Variants in ANKRD55 observed in about 807,000 individuals in gnomAD.
ANKRD55 encodes the protein ankyrin repeat domain-containing protein 55.
A neutral mutation model predicts 60.6 loss-of-function variants in ANKRD55; 41 were observed. The observed-to-expected ratio is 0.68, with a 90% CI of 0.53 to 0.88. The LOEUF is 0.88. Among genes scored for constraint, ANKRD55 ranks in the 40% least tolerant of loss-of-function variants. The probability of loss-of-function intolerance (pLI) is 0.00; values close to 1 mark genes in which losing one functional copy is unlikely to be tolerated. For synonymous variants in ANKRD55, 264 were observed against 290.3 expected (o/e 0.91, Z 0.92); for missense variants, 732 against 767.6 (o/e 0.95, Z 0.55).
At chr5:56,200,760 A>T (rs1359724457) in intron 2 of ANKRD55, among the ~76,000 whole-genome samples, 1 of 152,124 alleles carries the variant, frequency 6.6e-6, no homozygotes, top group Non-Finnish European at 1.5e-5. Flanking sequence ...CACATTGGGT[A>T]TTGCAATTTC....
chr5:56,117,304 A>C (rs997044639), intron 8 of ANKRD55, among the ~76,000 whole-genome samples: 2 of 152,168 alleles, frequency 1.3e-5, no homozygotes, highest in African/African-American at 2.4e-5. Context: ...CATTGAAATG[A>C]CTAATGCCTT....
Position 56,183,682 on chromosome 5 carries a change from T to C in ANKRD55, c.59-48A>G, listed in dbSNP as rs746248535. 3 of 1,601,970 alleles carry C rather than the reference T, an allele frequency of 1.9e-6. No homozygotes were observed. In the South Asian group the frequency reaches 3.4e-5, roughly 18 times the overall value. The stretch of plus-strand genomic sequence containing the variant: ...ATGTTAGTGTGTGGAGCCAGTTCAC[T>C]GAAAGAATAACAATACCCAAGTCGT... On this transcript the variant is annotated intron_variant, in intron 2 of 11. Transcript: ENST00000341048.
intron 10 of ANKRD55, among the ~76,000 whole-genome samples, chr5:56,103,908 C>A (rs1185865029): frequency 6.6e-6 from 1 of 152,168 alleles, no homozygotes; most frequent in East Asian, 1.9e-4. Flanking sequence ...GGTGGATGGT[C>A]TGTGCAGAAG....
intron 2 of ANKRD55, among the ~76,000 whole-genome samples, chr5:56,229,133 G>T (rs1252815586): frequency 4.2e-5 from 6 of 143,610 alleles, no homozygotes; most frequent in Non-Finnish European, 9.0e-5. Flanking sequence ...TCTCAGGTTT[G>T]GGATTCTTTC....
chr5:56,170,632 T>C, intron 5 of ANKRD55, 62 bp downstream of exon 5: 1 of 1,341,618 alleles, frequency 7.5e-7, no homozygotes. Flanking sequence ...ATGGATTAGA[T>C]GACCTTCTCA....
chr5:56,171,915 G>C (rs1157111375), intron 4 of ANKRD55, among the ~76,000 whole-genome samples: 1 of 151,960 alleles, frequency 6.6e-6, no homozygotes, highest in Admixed American at 6.6e-5. Flanking sequence ...TCAGGAGATC[G>C]AGACCATCCT....
chr5:56,174,366 C>T (rs1758690208), intron 4 of ANKRD55, among the ~76,000 whole-genome samples: 1 of 152,166 alleles, frequency 6.6e-6, no homozygotes, highest in Non-Finnish European at 1.5e-5. Context: ...TGGCAGTCAA[C>T]TTTAGAAACC....
chr5:56,140,039 A>C (rs1757716372), intron 7 of ANKRD55, among the ~76,000 whole-genome samples: 1 of 152,162 alleles, frequency 6.6e-6, no homozygotes, highest in African/African-American at 2.4e-5. Context: ...TCCAATCTTT[A>C]CTGCTTTGTT....
chr5:56,170,998 A>C (rs1385342179), intron 4 of ANKRD55, among the ~76,000 whole-genome samples, 195 bp from the exon 5 acceptor site: 1 of 152,154 alleles, frequency 6.6e-6, no homozygotes, highest in Non-Finnish European at 1.5e-5. Context: ...ACAGATTCCC[A>C]GGTTTATGAG....
At chr5:56,185,402 C>T (rs1758946404) in intron 2 of ANKRD55, among the ~76,000 whole-genome samples, 1 of 152,070 alleles carries the variant, frequency 6.6e-6, no homozygotes, top group Non-Finnish European at 1.5e-5. Flanking sequence ...TGTGGTGGCT[C>T]ACGCCTGTAA....
intron 2 of ANKRD55, among the ~76,000 whole-genome samples, chr5:56,231,694 CACAT>C (rs1444345947): frequency 1.2e-4 from 17 of 138,400 alleles, no homozygotes; most frequent in African/African-American, 1.6e-4. Flanking sequence ...CACACACACA[CACAT>C]ACACATACAC....
chr5:56,203,336 A>T (rs1037258774), intron 2 of ANKRD55, among the ~76,000 whole-genome samples: 45 of 152,060 alleles, frequency 3.0e-4, no homozygotes, highest in African/African-American at 9.9e-4. Context: ...TGGTTTTTTT[A>T]AAATTTAATT....
intron 5 of ANKRD55, among the ~76,000 whole-genome samples, chr5:56,166,430 TA>T (rs944098325): frequency 1.3e-5 from 2 of 151,736 alleles, no homozygotes; most frequent in Non-Finnish European, 2.9e-5. Flanking sequence ...GCTACTTTTT[TA>T]AAAAAATCAT....
At position 56,116,747 on chromosome 5, in the gene ANKRD55, G is replaced by A; in HGVS notation, c.833C>T (p.Ala278Val). The part of the protein sequence containing the change: ...PLHWAAAAGK[A>V]ECVQSLLELG... ...CTCCAGCAGTGACTGGACACATTCG[G>A]CCTTCCCTGCAGCTGCAGCCCAGTG... Residue 278 changes from alanine (A) to valine (V), a missense_variant, in exon 9 of 12, where the codon GCC becomes GTC. Physicochemically the swap from Ala to Val is moderately conservative, Grantham distance 64. Around this residue, in one of 3 missense-constraint regions of ANKRD55, gnomAD observed 597 missense variants for 607.5 expected, o/e 0.98. Transcript: ENST00000341048. 6.2e-7 allele frequency: 1 copy of A among 1,613,296 alleles called. No homozygotes were observed. The highest frequency in any genetic ancestry group is 1.1e-5 in the South Asian group (1 of 91,006).
chr5:56,122,826 T>C lies in ANKRD55; in HGVS notation c.797+4096A>G, dbSNP rs1757111921. ...TGTCACCCAGGCTGGAGTGCAGTGG[T>C]ACAATCACAGTTCACTGCAACCTTC... is the stretch of plus-strand genomic sequence containing the variant. On this transcript the variant is annotated intron_variant, in intron 8 of 11. Transcript: ENST00000341048. Among the ~76,000 whole-genome samples the C allele has an allele frequency of 2.7e-5, 4 of 150,768 alleles. No individual in the cohort carries two copies. The South Asian group carries it at 8.6e-4, about 32-fold the overall frequency.
Position 56,198,347 on chromosome 5 carries a change from G to A in ANKRD55, c.59-14713C>T, listed in dbSNP as rs140882960. Among the ~76,000 whole-genome samples, 1,360 of 151,724 alleles carry A rather than the reference G, an allele frequency of 9.0e-3. 19 individuals carry two copies. The highest frequency in any genetic ancestry group is 0.031 in the African/African-American group (1,294 of 41,292). On this transcript the variant is annotated intron_variant, in intron 2 of 11. Coordinates refer to ENST00000341048, the MANE Select transcript of ANKRD55 (RefSeq NM_024669.3). ...GGAGTTTCGCTCTTGTTACCCAGGC[G>A]TGATCTTGGCTCACCGCAACCTCTG...
chr5:56,105,543 A>T (rs1461158032), intron 10 of ANKRD55, among the ~76,000 whole-genome samples: 1 of 152,196 alleles, frequency 6.6e-6, no homozygotes, highest in Non-Finnish European at 1.5e-5. Context: ...CAAAATAATA[A>T]CAAGGGCCAA....
Position 56,220,390 on chromosome 5 carries a change from C to T in ANKRD55, c.58+12466G>A, listed in dbSNP as rs547368671. The stretch of plus-strand genomic sequence containing the variant: ...TAAGAAATGGAGGCCACAGCACACT[C>T]CAGAATGGATTGGTCTGTCACACAC... On this transcript the variant is annotated intron_variant, in intron 2 of 11. Transcript: ENST00000341048. Among the ~76,000 whole-genome samples the T allele has an allele frequency of 3.9e-5, 6 of 151,972 alleles. No individual in the cohort carries two copies. The South Asian group carries it at 1.2e-3, about 32-fold the overall frequency.
At chr5:56,135,294 G>GTTCGTT (rs1757546768) in intron 7 of ANKRD55, among the ~76,000 whole-genome samples, 3 of 84,386 alleles carry the variant, frequency 3.6e-5, no homozygotes, top group African/African-American at 1.4e-4. Flanking sequence ...CTGCCTGCTT[G>GTTCGTT]CTTTCTTTCT....
Sources: allele counts gnomAD v4.1 joint callset (sites outside exome capture counted in the v4.1 genomes callset), GRCh38; gene constraint gnomAD v4.1.1; regional missense constraint gnomAD v4.1.1; transcripts MANE v1.5; gene names NCBI Gene and HGNC (gene_info 2026-07-23, HGNC 2026-07-21).